Variants in ARHGAP6 observed in about 807,000 individuals in gnomAD.
The protein encoded by ARHGAP6 is Rho GTPase activating protein 6, also known as rho GTPase-activating protein 6.
In ARHGAP6, 16 loss-of-function variants were observed where a neutral mutation model predicts 55.7. The observed-to-expected ratio is 0.29, with a 90% CI of 0.19 to 0.44. The LOEUF is 0.44. Ranked by LOEUF, ARHGAP6 falls within the 20% of genes least tolerant of loss-of-function variation. The pLI is 1.00. For synonymous variants in ARHGAP6, 382 were observed against 360.9 expected (o/e 1.06, Z -0.66); for missense variants, 698 against 808.9 (o/e 0.86, Z 1.66).
At chrX:11,447,591 A>G (rs754638676) in intron 1 of ARHGAP6, among the ~76,000 whole-genome samples, 1 of 112,513 alleles carries the variant, frequency 8.9e-6, no homozygotes, top group African/African-American at 3.2e-5. Context: ...AAAGCTGAAA[A>G]TATTTACTCT....
intron 1 of ARHGAP6, among the ~76,000 whole-genome samples, chrX:11,522,091 C>T (rs935276909): frequency 9.0e-6 from 1 of 111,614 alleles, no homozygotes; most frequent in Non-Finnish European, 1.9e-5. Context: ...TCACTCAAAA[C>T]CGCCCAACTA....
intron 8 of ARHGAP6, among the ~76,000 whole-genome samples, chrX:11,175,981 A>G (rs1392456185): frequency 9.4e-6 from 1 of 106,290 alleles, no homozygotes; most frequent in Non-Finnish European, 1.9e-5. Context: ...GTATAACGAC[A>G]TTGTCCTTCT....
intron 1 of ARHGAP6, among the ~76,000 whole-genome samples, chrX:11,399,354 C>CAAAAAAAAAAAA (rs56197001): frequency 4.5e-4 from 16 of 35,314 alleles, no homozygotes; most frequent in African/African-American, 6.4e-4. Flanking sequence ...AATAAGCAAT[C>CAAAAAAAAAAAA]AAAAAAAAAA....
At chrX:11,503,161 G>A (rs996292598) in intron 1 of ARHGAP6, among the ~76,000 whole-genome samples, 2 of 111,580 alleles carry the variant, frequency 1.8e-5, no homozygotes, top group Non-Finnish European at 3.8e-5. Flanking sequence ...CTCCCAAAGT[G>A]CTGAGATTAC....
intron 1 of ARHGAP6, among the ~76,000 whole-genome samples, chrX:11,567,597 C>G (rs1377849385): frequency 9.7e-6 from 1 of 103,338 alleles, no homozygotes; most frequent in African/African-American, 3.6e-5. Flanking sequence ...CAGAGTTGTC[C>G]TCACAGGGGG....
intron 1 of ARHGAP6, among the ~76,000 whole-genome samples, chrX:11,521,655 C>A (rs2050928753): frequency 9.0e-6 from 1 of 110,597 alleles, no homozygotes; most frequent in African/African-American, 3.3e-5. Flanking sequence ...TTTTTTGGTT[C>A]CATATGAACT....
intron 1 of ARHGAP6, among the ~76,000 whole-genome samples, chrX:11,612,619 C>A (rs2052115861): frequency 8.9e-6 from 1 of 112,203 alleles, no homozygotes; most frequent in African/African-American, 3.2e-5. Flanking sequence ...CATGCTGACA[C>A]CCTGATCTTG....
At chrX:11,555,933 T>C (rs749093457) in intron 1 of ARHGAP6, among the ~76,000 whole-genome samples, 3 of 110,694 alleles carry the variant, frequency 2.7e-5, no homozygotes, top group Admixed American at 9.6e-5. Context: ...CCAGAATACA[T>C]AGGTCAACAC....
At position 11,344,333 on chromosome X, in the gene ARHGAP6, G is replaced by A. The variant is rs1038390587; in HGVS notation, c.589-89626C>T. Among the ~76,000 whole-genome samples the A allele has an allele frequency of 6.3e-5, 7 of 110,947 alleles. No homozygotes were observed. In the East Asian group the frequency reaches 1.1e-3, roughly 18 times the overall value. ...AGTCCCTACTTGAGAACCACTGGTC[G>A]GTCCATTGGGGGTTCTCAACCTCAG... On this transcript the variant is annotated intron_variant, in intron 1 of 12. Coordinates refer to ENST00000337414, the MANE Select transcript of ARHGAP6 (RefSeq NM_013427.3).
At chrX:11,389,199 T>A (rs2049371597) in intron 1 of ARHGAP6, among the ~76,000 whole-genome samples, 1 of 111,898 alleles carries the variant, frequency 8.9e-6, no homozygotes, top group Non-Finnish European at 1.9e-5. Flanking sequence ...GTCCAAAATA[T>A]CAATGTGCTG....
chrX:11,621,458 A>C (rs1353453337), intron 1 of ARHGAP6, among the ~76,000 whole-genome samples: 1 of 107,651 alleles, frequency 9.3e-6, no homozygotes, highest in Non-Finnish European at 2.0e-5. Flanking sequence ...AGAATAGGTG[A>C]ATATAAATAA....
chrX:11,303,321 T>C (rs1160565721), intron 1 of ARHGAP6, among the ~76,000 whole-genome samples: 5 of 112,446 alleles, frequency 4.4e-5, no homozygotes, highest in Non-Finnish European at 7.5e-5. Flanking sequence ...AAAAAATACC[T>C]CCCTGTTGGG....
intron 1 of ARHGAP6, among the ~76,000 whole-genome samples, chrX:11,392,265 G>A (rs1281571450): frequency 8.9e-6 from 1 of 111,761 alleles, no homozygotes; most frequent in African/African-American, 3.3e-5. Context: ...TTTTCTGGAA[G>A]GCTCTTTCAG....
At chrX:11,400,505 C>T (rs1232393361) in intron 1 of ARHGAP6, among the ~76,000 whole-genome samples, 3 of 104,699 alleles carry the variant, frequency 2.9e-5, no homozygotes, top group Non-Finnish European at 5.9e-5. Context: ...CCCCCCCGCA[C>T]CCCGTCCCCC....
Position 11,241,078 on chromosome X carries a change from C to CA in ARHGAP6, c.748+13469dup, listed in dbSNP as rs59066875. On this transcript the variant is annotated intron_variant, in intron 2 of 12. Coordinates refer to ENST00000337414, the MANE Select transcript of ARHGAP6 (RefSeq NM_013427.3). ...TGTCACTGCACTCCAGCCTGGGCGA[C>CA]AAAAAAAAAAAAAAAAGCAATATGA... Among the ~76,000 whole-genome samples the CA allele has an allele frequency of 7.5e-3, 397 of 52,931 alleles. 1 individual carries two copies. In the South Asian group the frequency reaches 0.078, roughly 10 times the overall value. The allele number at this position is 52,931 out of a possible 115,157, so 46.0% of individuals were successfully genotyped here.
intron 1 of ARHGAP6, among the ~76,000 whole-genome samples, chrX:11,520,934 G>A (rs1402677963): frequency 2.7e-5 from 3 of 112,333 alleles, no homozygotes; most frequent in Middle Eastern, 4.6e-3. Flanking sequence ...ATTTTGTCAT[G>A]TGTCTGTTGA....
chrX:11,413,576 C>T (rs903044285), intron 1 of ARHGAP6, among the ~76,000 whole-genome samples: 14 of 111,713 alleles, frequency 1.3e-4, no homozygotes, highest in African/African-American at 4.2e-4. Context: ...TTAGAGTCAG[C>T]TCCTGGAGGC....
chrX:11,233,073 G>T (rs2047155524), intron 2 of ARHGAP6, among the ~76,000 whole-genome samples: 1 of 112,339 alleles, frequency 8.9e-6, no homozygotes, highest in Admixed American at 9.4e-5. Context: ...GCAAACACAA[G>T]AATTAACTTT....
intron 1 of ARHGAP6, among the ~76,000 whole-genome samples, chrX:11,510,526 G>C (rs1403890451): frequency 4.5e-5 from 5 of 111,313 alleles, no homozygotes; most frequent in African/African-American, 6.5e-5. Flanking sequence ...TATGAAAAAA[G>C]CTGCTGCCAC....
Sources: allele counts gnomAD v4.1 joint callset (sites outside exome capture counted in the v4.1 genomes callset), GRCh38; gene constraint gnomAD v4.1.1; transcripts MANE v1.5; gene names NCBI Gene and HGNC (gene_info 2026-07-23, HGNC 2026-07-21).